Variants in CLCC1 observed in about 807,000 individuals in gnomAD.
CLCC1 encodes chloride channel CLIC-like protein 1.
A neutral mutation model predicts 63.3 loss-of-function variants in CLCC1; 39 were observed. The ratio of observed to expected loss-of-function variants is 0.62; its 90% CI spans 0.48 to 0.81. The LOEUF (loss-of-function observed/expected upper bound fraction) is 0.81. Ranked by LOEUF, CLCC1 falls within the 30% of genes least tolerant of loss-of-function variation. CLCC1 has a pLI of 0.00. For synonymous variants in CLCC1, 217 were observed against 239.8 expected (o/e 0.90, Z 0.88); for missense variants, 549 against 669.4 (o/e 0.82, Z 1.98).
At chr1:108,958,436 G>A (rs1334997482) in intron 2 of CLCC1, among the ~76,000 whole-genome samples, 1 of 151,488 alleles carries the variant, frequency 6.6e-6, no homozygotes, top group Non-Finnish European at 1.5e-5. Flanking sequence ...TCTGGGTTAC[G>A]ACTGCTGTGG....
At chr1:108,941,324 A>T in intron 8 of CLCC1, 81 bp downstream of exon 8, 8 of 1,265,780 alleles carry the variant, frequency 6.3e-6, no homozygotes, top group Non-Finnish European at 9.0e-6. Flanking sequence ...GCCTCCTGTT[A>T]TTTTATCATT....
At chr1:108,951,642 G>A (rs1655190169) in intron 2 of CLCC1, among the ~76,000 whole-genome samples, 1 of 150,002 alleles carries the variant, frequency 6.7e-6, no homozygotes, top group Non-Finnish European at 1.5e-5. Flanking sequence ...GGTTAAGGCT[G>A]AAGGTTTGGG....
intron 5 of CLCC1, among the ~76,000 whole-genome samples, 159 bp downstream of exon 5, chr1:108,947,449 ATAG>A (rs986022034): frequency 3.3e-5 from 5 of 152,242 alleles, no homozygotes; most frequent in Non-Finnish European, 7.3e-5. Flanking sequence ...GCAAAGCAGT[ATAG>A]TAGTGCCTTT....
At position 108,934,808 on chromosome 1, in the gene CLCC1, T is replaced by C. The variant is rs751863089; in HGVS notation, c.1518A>G (p.Thr506=). 1.9e-6 allele frequency: 3 copies of C among 1,614,246 alleles called. No individual in the cohort carries two copies. The Admixed American group carries it at 5.0e-5, about 27-fold the overall frequency. Residue 506 remains threonine (T), a synonymous_variant, in exon 12 of 13, where the codon ACA becomes ACG. Coordinates refer to ENST00000369969, the MANE Select transcript of CLCC1 (RefSeq NM_001377458.1). The part of the protein sequence containing the change: ...PVSGQDTSGN[T]EGSPAAEKAQ... Reference sequence around the variant, plus strand: ...CCTTTTCCGCTGCGGGTGAACCTTCTGTATTCCCTGATGTGTCTTGGCCAG... The same window carrying C: ...CCTTTTCCGCTGCGGGTGAACCTTCCGTATTCCCTGATGTGTCTTGGCCAG...
intron 5 of CLCC1, among the ~76,000 whole-genome samples, chr1:108,945,051 T>A (rs1006496606): frequency 2.0e-5 from 3 of 152,224 alleles, no homozygotes; most frequent in Non-Finnish European, 4.4e-5. Flanking sequence ...TATCAATTGA[T>A]CAATATATAA....
intron 7 of CLCC1, among the ~76,000 whole-genome samples, chr1:108,941,855 T>C (rs910142025): frequency 3.3e-5 from 5 of 152,152 alleles, no homozygotes; most frequent in African/African-American, 9.6e-5. Flanking sequence ...GGTTTCATCA[T>C]GTTGGCCAGG....
Position 108,934,701 on chromosome 1 carries a change from C to A in CLCC1, c.1625G>T (p.Gly542Val). 1 of 1,613,838 alleles carries A rather than the reference C, an allele frequency of 6.2e-7. No homozygotes were observed. The highest frequency in any genetic ancestry group is 8.5e-7 in the Non-Finnish European group (1 of 1,180,020). Residue 542 changes from glycine to valine, a missense_variant, in exon 12 of 13, where the codon GGA becomes GTA. Coordinates refer to ENST00000369969, the MANE Select transcript of CLCC1 (RefSeq NM_001377458.1). Reference sequence around the variant, plus strand: ...ACAGGGGCTGCTGACCGGATCCTGTCCACGTGGTCCAGCCACACCTCTTGC... The same window carrying A: ...ACAGGGGCTGCTGACCGGATCCTGTACACGTGGTCCAGCCACACCTCTTGC... ...SPARGVAGPRGQDPVSSPCG is the reference protein window; with the variant it reads ...SPARGVAGPRVQDPVSSPCG
In CLCC1 at chr1:108,956,949, CTA is replaced by C. The variant is rs547670557; in HGVS notation, c.-12+5358_-12+5359del. Among the ~76,000 whole-genome samples the C allele has an allele frequency of 5.3e-3, 671 of 126,710 alleles. 33 individuals are homozygous for C. Among genetic ancestry groups the C allele is most frequent in the African/African-American group, 0.018 (630 of 35,502 alleles). 83.1% of individuals were successfully genotyped at this position (126,710 alleles called of 152,430 possible). The stretch of plus-strand genomic sequence containing the variant: ...CACAGTAAAGAGTGTGGTTTTTACT[CTA>C]TGTGTAACAAGAAGCCACTTGAGGC... On this transcript the variant is annotated intron_variant, in intron 2 of 12. Transcript: ENST00000369969.
intron 10 of CLCC1, among the ~76,000 whole-genome samples, chr1:108,938,035 C>T (rs1653283135): frequency 6.6e-6 from 1 of 152,164 alleles, no homozygotes; most frequent in African/African-American, 2.4e-5. Context: ...CCTGAATATA[C>T]AACGGAGCAT....
Position 108,943,941 on chromosome 1 carries a change from AT to A in CLCC1, c.455del (p.Asp152ValfsTer4). ...TAATTAAAATATCACTTAGTGCATC[AT>A]CCAAGGCACCTGGTTTCCAGTCTTC... Reference protein sequence around the residue: ...NGEDWKPGALDDALSDILINF... With the variant: ...NGEDWKPGALXDALSDILINF... On this transcript the variant is annotated frameshift_variant, in exon 6 of 13. Transcript: ENST00000369969. LOFTEE classifies it high-confidence loss of function. The A allele has an allele frequency of 6.2e-7, 1 of 1,613,020 alleles. No homozygotes were observed. Among genetic ancestry groups the A allele is most frequent in the African/African-American group, 1.3e-5 (1 of 75,040 alleles).
intron 2 of CLCC1, among the ~76,000 whole-genome samples, chr1:108,953,049 A>G (rs1655411472): frequency 6.6e-6 from 1 of 152,202 alleles, no homozygotes; most frequent in Non-Finnish European, 1.5e-5. Context: ...TGGCTACCAT[A>G]TTGGACAGGG....
rs1231004983 is a variant in CLCC1 at position 108,929,836 on chromosome 1, C to CAAAG, written c.*2707_*2710dup. On this transcript the variant is annotated 3_prime_UTR_variant, in exon 13 of 13. Coordinates refer to ENST00000369969, the MANE Select transcript of CLCC1 (RefSeq NM_001377458.1). ...AATGGATGAACAGAGAGTTCTTTTACAAAGAGATCAAAACAGAGACACTGA... is the reference window on the plus strand; with the variant it reads ...AATGGATGAACAGAGAGTTCTTTTACAAAGAAAGAGATCAAAACAGAGACACTGA... The CAAAG allele has an allele frequency of 1.9e-6, 3 of 1,613,940 alleles. No individual in the cohort carries two copies. The highest frequency in any genetic ancestry group is 1.7e-5 in the Admixed American group (1 of 60,014).
intron 10 of CLCC1, among the ~76,000 whole-genome samples, chr1:108,938,244 G>T (rs1186425937): frequency 1.3e-5 from 2 of 152,144 alleles, no homozygotes; most frequent in East Asian, 1.9e-4. Flanking sequence ...GAAAATTTCT[G>T]TACTAGTTTT....
At chr1:108,961,324 G>T (rs1211560132) in intron 2 of CLCC1, among the ~76,000 whole-genome samples, 2 of 149,210 alleles carry the variant, frequency 1.3e-5, no homozygotes, top group Admixed American at 1.3e-4. Flanking sequence ...TAAATCTGAG[G>T]TAGGTCTGAG....
At position 108,963,407 on chromosome 1, in the gene CLCC1, C is replaced by A. The variant is rs116514040; in HGVS notation, c.-219G>T. 2 of 702,340 alleles carry A rather than the reference C, an allele frequency of 2.8e-6. No individual in the cohort carries two copies. The highest frequency in any genetic ancestry group is 5.2e-6 in the Non-Finnish European group (2 of 384,900). The allele number at this position is 702,340 out of a possible 1,614,324, so 43.5% of individuals were successfully genotyped here. On this transcript the variant is annotated 5_prime_UTR_variant, in exon 1 of 13. Coordinates refer to ENST00000369969, the MANE Select transcript of CLCC1 (RefSeq NM_001377458.1). ...TCTCGAGGAAGACACCTGCCCAGGC[C>A]GGCCGCAGAAGAGGTCGCACAGCTT... is the stretch of plus-strand genomic sequence containing the variant.
At position 108,934,892 on chromosome 1, in the gene CLCC1, C is replaced by A; in HGVS notation, c.1434G>T (p.Leu478=). ...TGCTTTCTTTCGGTGTGCCTTCCCC[C>A]AGGATTCCACCTGTCTCCTTGGGCT... ...DTKPKETGGI[L]GEGTPKESST... Residue 478 remains leucine, a synonymous_variant, in exon 12 of 13, where the codon CTG becomes CTT. Coordinates refer to ENST00000369969, the MANE Select transcript of CLCC1 (RefSeq NM_001377458.1). 6.2e-7 allele frequency: 1 copy of A among 1,614,176 alleles called. No homozygotes were observed. The highest frequency in any genetic ancestry group is 8.5e-7 in the Non-Finnish European group (1 of 1,179,992).
intron 10 of CLCC1, among the ~76,000 whole-genome samples, 199 bp from the exon 11 acceptor site, chr1:108,937,617 T>G (rs1159838954): frequency 6.6e-6 from 1 of 152,238 alleles, no homozygotes; most frequent in Non-Finnish European, 1.5e-5. Flanking sequence ...CAATAAAACT[T>G]AATAAATCTT....
rs895419325 is a variant in CLCC1 at position 108,963,473 on chromosome 1, A to G, written c.-285T>C. Reference sequence around the variant, plus strand: ...TTCAGCGTGCTTCCTGGGCCTCGTCATCGAATTGTTCGGCTGACGGCTGCG... The same window carrying G: ...TTCAGCGTGCTTCCTGGGCCTCGTCGTCGAATTGTTCGGCTGACGGCTGCG... On this transcript the variant is annotated 5_prime_UTR_variant, in exon 1 of 13. It removes an upstream start codon present in the reference 5' UTR. Coordinates refer to ENST00000369969, the MANE Select transcript of CLCC1 (RefSeq NM_001377458.1). 33 of 701,824 alleles carry G rather than the reference A, an allele frequency of 4.7e-5. No homozygotes were observed. The highest frequency in any genetic ancestry group is 7.5e-5 in the Non-Finnish European group (29 of 384,506). 43.5% of individuals were successfully genotyped at this position (701,824 alleles called of 1,614,324 possible).
chr1:108,957,593 T>C, intron 2 of CLCC1, among the ~76,000 whole-genome samples: 1 of 151,608 alleles, frequency 6.6e-6, no homozygotes, highest in East Asian at 1.9e-4. Context: ...AGAAATACAC[T>C]ATAGAAATTG....
Sources: gnomAD v4.1 joint callset for allele counts (sites outside exome capture counted in the v4.1 genomes callset) on GRCh38, gnomAD v4.1.1 for gene constraint, MANE v1.5 for transcripts, NCBI Gene and HGNC (gene_info 2026-07-23, HGNC 2026-07-21) for gene names.